The following KHDRBS2 variants were observed in gnomAD, a reference collection of about 807,000 sequenced individuals.
The protein encoded by KHDRBS2 is KH domain-containing, RNA-binding, signal transduction-associated protein 2.
Under a neutral mutation model 44.3 loss-of-function variants are expected in KHDRBS2, and 26 were observed. That is an observed-to-expected ratio of 0.59 (90% confidence interval 0.43 to 0.81). The LOEUF (loss-of-function observed/expected upper bound fraction) is 0.81, where lower values mean the gene tolerates loss of function less well. KHDRBS2 is among the 40% of genes least tolerant of loss of function. KHDRBS2 has a pLI of 0.00. For synonymous variants in KHDRBS2, 194 were observed against 151.1 expected (o/e 1.28, Z -2.08); for missense variants, 476 against 433.1 (o/e 1.10, Z -0.88).
chr6:61,967,957 T>TATATACAC lies in KHDRBS2; in HGVS notation c.483+10108_483+10109insGTGTATAT, dbSNP rs1228663590. Among the ~76,000 whole-genome samples the TATATACAC allele has an allele frequency of 4.9e-3, 359 of 73,548 alleles. 2 individuals carry two copies. The highest frequency in any genetic ancestry group is 0.016 in the African/African-American group (346 of 21,520). The allele number at this position is 73,548 out of a possible 152,430, so 48.3% of individuals were successfully genotyped here. On this transcript the variant is annotated intron_variant, in intron 4 of 8. Transcript: ENST00000281156. ...GTATATATATATATATATATATATA[T>TATATACAC]ACACACACACACACATGCACACACA...
the KHDRBS2 span, among the ~76,000 whole-genome samples, chr6:61,664,924 G>C: frequency 3.3e-5 from 5 of 151,504 alleles, no homozygotes; most frequent in Non-Finnish European, 5.9e-5. Context: ...TTTTGGCTGA[G>C]CAATTAACTT....
intron 6 of KHDRBS2, among the ~76,000 whole-genome samples, chr6:61,836,459 T>TAAAAAC (rs1309958965): frequency 6.6e-6 from 1 of 152,096 alleles, no homozygotes; most frequent in East Asian, 1.9e-4. Context: ...TTTTTAACTT[T>TAAAAAC]ATGAAATTTT....
At chr6:61,674,294 C>T in the KHDRBS2 span, among the ~76,000 whole-genome samples, 2 of 151,708 alleles carry the variant, frequency 1.3e-5, no homozygotes, top group Non-Finnish European at 2.9e-5. Context: ...CATATTGCTG[C>T]AGAACAGAAA....
intron 2 of KHDRBS2, among the ~76,000 whole-genome samples, chr6:62,107,013 C>T (rs1199742609): frequency 4.6e-5 from 7 of 152,054 alleles, no homozygotes; most frequent in South Asian, 2.1e-4. Context: ...ACTGGAAACA[C>T]TCCCTTTGAA....
chr6:62,037,636 G>A (rs1427112631), intron 3 of KHDRBS2, among the ~76,000 whole-genome samples: 2 of 151,924 alleles, frequency 1.3e-5, no homozygotes. Flanking sequence ...AAACATCACA[G>A]CTTCTGGAAA....
At chr6:61,696,341 C>T (rs914818665) in intron 8 of KHDRBS2, among the ~76,000 whole-genome samples, 42 of 152,088 alleles carry the variant, frequency 2.8e-4, no homozygotes, top group Middle Eastern at 3.4e-3. Context: ...CTGCAACCTC[C>T]AACTCCCTGG....
intron 6 of KHDRBS2, among the ~76,000 whole-genome samples, chr6:61,824,671 G>T (rs1790553981): frequency 6.6e-6 from 1 of 152,052 alleles, no homozygotes; most frequent in African/African-American, 2.4e-5. Context: ...GGAAATTTAA[G>T]ATACTTTGAA....
At chr6:62,049,832 A>G (rs1788583760) in intron 2 of KHDRBS2, among the ~76,000 whole-genome samples, 1 of 152,058 alleles carries the variant, frequency 6.6e-6, no homozygotes, top group Admixed American at 6.6e-5. Context: ...ATGCTTTTAT[A>G]CTGTTGGTGG....
At chr6:61,800,649 G>T (rs371314186) in intron 6 of KHDRBS2, among the ~76,000 whole-genome samples, 24 of 152,186 alleles carry the variant, frequency 1.6e-4, no homozygotes, top group African/African-American at 4.8e-4. Flanking sequence ...TCCTTCTCCA[G>T]ATATGGGGTC....
intron 1 of KHDRBS2, among the ~76,000 whole-genome samples, chr6:62,211,148 T>C (rs1286604767): frequency 2.6e-5 from 4 of 152,168 alleles, no homozygotes; most frequent in African/African-American, 9.6e-5. Context: ...AATTATAAGT[T>C]AGTCTCTACC....
chr6:61,766,839 A>G (rs1582695772), intron 6 of KHDRBS2, among the ~76,000 whole-genome samples: 1 of 152,126 alleles, frequency 6.6e-6, no homozygotes, highest in Non-Finnish European at 1.5e-5. Flanking sequence ...AGAATGATTT[A>G]ATTTTATTTG....
At chr6:61,573,687 G>A in the KHDRBS2 span, among the ~76,000 whole-genome samples, 1 of 152,092 alleles carries the variant, frequency 6.6e-6, no homozygotes, top group Non-Finnish European at 1.5e-5. Flanking sequence ...TACTTGGGAA[G>A]CTGAGGCAGG....
intron 6 of KHDRBS2, among the ~76,000 whole-genome samples, chr6:61,845,970 T>C (rs1794346835): frequency 6.6e-6 from 1 of 152,182 alleles, no homozygotes. Context: ...CTAGGTGCTG[T>C]CATCGTGATA....
At chr6:62,053,360 A>G (rs553366600) in intron 2 of KHDRBS2, among the ~76,000 whole-genome samples, 2 of 152,008 alleles carry the variant, frequency 1.3e-5, no homozygotes, top group Non-Finnish European at 2.9e-5. Context: ...ATAAAAGAAA[A>G]AAAAAATGAC....
At chr6:62,178,122 G>A (rs183850102) in intron 1 of KHDRBS2, among the ~76,000 whole-genome samples, 15 of 151,438 alleles carry the variant, frequency 9.9e-5, no homozygotes, top group African/African-American at 3.4e-4. Flanking sequence ...TATGGCTGGG[G>A]GCAAATAATA....
In KHDRBS2 at chr6:62,194,480, C is replaced by CTTTTTTTTTTT. The variant is rs70996208; in HGVS notation, c.92-17179_92-17169dup. 5.0e-4 allele frequency among the ~76,000 whole-genome samples: 35 copies of CTTTTTTTTTTT among 69,764 alleles called. 5 individuals are homozygous for CTTTTTTTTTTT. Among genetic ancestry groups the CTTTTTTTTTTT allele is most frequent in the Non-Finnish European group, 6.3e-4 (25 of 39,772 alleles). The allele number at this position is 69,764 out of a possible 152,430, so 45.8% of individuals were successfully genotyped here. ...CACTTTCTTTTCTTTTCTTTTCTTC[C>CTTTTTTTTTTT]TTTTTTTTTTTTTTTTTTTTTTTTT... On this transcript the variant is annotated intron_variant, in intron 1 of 8. Transcript: ENST00000281156.
At chr6:62,179,297 T>C (rs1169087736) in intron 1 of KHDRBS2, among the ~76,000 whole-genome samples, 1 of 151,696 alleles carries the variant, frequency 6.6e-6, no homozygotes, top group Non-Finnish European at 1.5e-5. Context: ...TGAACTAAAC[T>C]GAATTGTTTG....
chr6:61,581,720 A>G, the KHDRBS2 span, among the ~76,000 whole-genome samples: 2 of 150,874 alleles, frequency 1.3e-5, no homozygotes, highest in African/African-American at 2.4e-5. Flanking sequence ...ATCTGAAAAC[A>G]TCACTGTTTT....
At chr6:61,587,453 G>A in the KHDRBS2 span, among the ~76,000 whole-genome samples, 2 of 151,846 alleles carry the variant, frequency 1.3e-5, no homozygotes, top group African/African-American at 2.4e-5. Context: ...ATCTGCACTC[G>A]CCTTGTGTAA....
Sources: gnomAD v4.1 joint callset for allele counts (sites outside exome capture counted in the v4.1 genomes callset) on GRCh38, gnomAD v4.1.1 for gene constraint, MANE v1.5 for transcripts, NCBI Gene and HGNC (gene_info 2026-07-23, HGNC 2026-07-21) for gene names.